The following CADPS variants were observed in gnomAD, a reference collection of about 807,000 sequenced individuals.
The protein encoded by CADPS is calcium dependent secretion activator.
A neutral mutation model predicts 167.3 loss-of-function variants in CADPS; 57 were observed. The observed-to-expected ratio is 0.34, with a 90% CI of 0.28 to 0.42. The LOEUF (loss-of-function observed/expected upper bound fraction) is 0.42. CADPS is among the 20% of genes least tolerant of loss of function. The pLI, the probability that CADPS is intolerant of heterozygous loss-of-function variation, is 1.00. For synonymous variants in CADPS, 676 were observed against 635.3 expected (o/e 1.06, Z -0.96); for missense variants, 1,414 against 1,738.1 (o/e 0.81, Z 3.32).
At chr3:62,719,127 A>G (rs1177800023) in intron 3 of CADPS, among the ~76,000 whole-genome samples, 2 of 152,196 alleles carry the variant, frequency 1.3e-5, no homozygotes, top group African/African-American at 4.8e-5. Context: ...AGTAGAGATA[A>G]TGACTCAGAT....
chr3:62,547,589 C>A (rs918200600), intron 11 of CADPS, among the ~76,000 whole-genome samples: 7 of 86,188 alleles, frequency 8.1e-5, no homozygotes, highest in African/African-American at 1.1e-4. Flanking sequence ...CATTTACGCC[C>A]CCCCCCCCCC....
intron 3 of CADPS, among the ~76,000 whole-genome samples, chr3:62,665,507 T>C (rs1176568008): frequency 2.6e-5 from 4 of 152,204 alleles, no homozygotes; most frequent in South Asian, 2.1e-4. Context: ...CTGGAACTCT[T>C]TTGCTCTGCA....
At chr3:62,437,099 T>C (rs2055248966) in intron 28 of CADPS, among the ~76,000 whole-genome samples, 1 of 151,542 alleles carries the variant, frequency 6.6e-6, no homozygotes, top group Non-Finnish European at 1.5e-5. Flanking sequence ...ACCAAAACAT[T>C]AATGTTCGCA....
chr3:62,632,702 G>A (rs571472551), intron 6 of CADPS, among the ~76,000 whole-genome samples: 96 of 152,094 alleles, frequency 6.3e-4, no homozygotes, highest in Middle Eastern at 3.4e-3. Context: ...CAGCAAGCAC[G>A]ACCACAAGCA....
At chr3:62,451,409 GA>G (rs1365665501) in intron 26 of CADPS, among the ~76,000 whole-genome samples, 11 of 151,680 alleles carry the variant, frequency 7.3e-5, no homozygotes, top group Admixed American at 7.2e-4. Context: ...TTCATTAGGG[GA>G]AAAAGCAACC....
At chr3:62,523,540 C>T (rs1045358038) in intron 13 of CADPS, among the ~76,000 whole-genome samples, 4 of 152,076 alleles carry the variant, frequency 2.6e-5, no homozygotes, top group Admixed American at 2.6e-4. Flanking sequence ...AAAGCTGGGC[C>T]ACAAAAACCT....
At chr3:62,871,035 G>A (rs943801761) in intron 1 of CADPS, among the ~76,000 whole-genome samples, 7 of 151,878 alleles carry the variant, frequency 4.6e-5, no homozygotes, top group South Asian at 2.1e-4. Flanking sequence ...AAATTATTTC[G>A]CCATGTTATA....
intron 1 of CADPS, among the ~76,000 whole-genome samples, chr3:62,873,674 A>G (rs1236377325): frequency 1.4e-5 from 2 of 140,640 alleles, no homozygotes; most frequent in African/African-American, 5.5e-5. Context: ...GCCTTGCCCC[A>G]GCCTCAGACA....
intron 27 of CADPS, chr3:62,441,041 A>G (rs2056223222): frequency 6.6e-6 from 1 of 152,260 alleles, no homozygotes; most frequent in African/African-American, 2.4e-5. Flanking sequence ...TAGATTTCCA[A>G]TCAAAACAAT....
intron 17 of CADPS, among the ~76,000 whole-genome samples, chr3:62,504,159 C>CA (rs1188839836): frequency 6.6e-6 from 1 of 151,800 alleles, no homozygotes; most frequent in Non-Finnish European, 1.5e-5. Context: ...GAATACAGGA[C>CA]AAAAAAATTA....
chr3:62,451,654 T>G (rs2058067823), intron 26 of CADPS, among the ~76,000 whole-genome samples: 1 of 152,114 alleles, frequency 6.6e-6, no homozygotes, highest in African/African-American at 2.4e-5. Flanking sequence ...ATTCTCTCCA[T>G]GAGCTGACTC....
At chr3:62,597,595 A>AC (rs1173204680) in intron 6 of CADPS, among the ~76,000 whole-genome samples, 1 of 152,062 alleles carries the variant, frequency 6.6e-6, no homozygotes, top group Non-Finnish European at 1.5e-5. Context: ...GGATGCCTGA[A>AC]CCCCTGCTGC....
chr3:62,679,291 G>A (rs919598658), intron 3 of CADPS, among the ~76,000 whole-genome samples: 1 of 152,024 alleles, frequency 6.6e-6, no homozygotes, highest in Non-Finnish European at 1.5e-5. Context: ...TTTCTTACAG[G>A]TTAAACGCAC....
chr3:62,774,005 T>C (rs1353057682), intron 1 of CADPS, among the ~76,000 whole-genome samples: 1 of 152,128 alleles, frequency 6.6e-6, no homozygotes, highest in East Asian at 1.9e-4. Context: ...TTCTATGACC[T>C]ACAGGGAAAT....
At chr3:62,783,238 G>A (rs2091976268) in intron 1 of CADPS, among the ~76,000 whole-genome samples, 1 of 151,998 alleles carries the variant, frequency 6.6e-6, no homozygotes, top group Admixed American at 6.6e-5. Context: ...CCTAGTAAAC[G>A]GCAAACTCTA....
At chr3:62,445,411 T>TA (rs2057037103) in intron 27 of CADPS, among the ~76,000 whole-genome samples, 1 of 152,210 alleles carries the variant, frequency 6.6e-6, no homozygotes, top group Non-Finnish European at 1.5e-5. Flanking sequence ...TGCAAGTTTC[T>TA]AGCTTCATGG....
In CADPS at chr3:62,516,103, G is replaced by A. The variant is rs774721337; in HGVS notation, c.2537C>T (p.Ala846Val). 5.0e-6 allele frequency: 8 copies of A among 1,613,292 alleles called. No individual in the cohort carries two copies. The highest frequency in any genetic ancestry group is 5.9e-6 in the Non-Finnish European group (7 of 1,179,424). ...TGAGAGCCGAGAATAGTTGACTAAC[G>A]CAGCCTGTTCCAGACATTTACGGAT... ...TVIRKCLEQA[A>V]LVNYSRLSEY... Residue 846 changes from alanine to valine, a missense_variant, in exon 16 of 30, where the codon GCG becomes GTG. This residue lies in a region of CADPS where 529 missense variants were observed against 629.6 expected (regional missense o/e 0.84). Transcript: ENST00000383710.
chr3:62,662,541 G>A, intron 3 of CADPS, 147 bp from the exon 4 acceptor site: 1 of 663,894 alleles, frequency 1.5e-6, no homozygotes, highest in Non-Finnish European at 2.6e-6. Flanking sequence ...AATCCAGTCT[G>A]AGTGAAATTC....
chr3:62,574,139 C>A, intron 8 of CADPS, among the ~76,000 whole-genome samples: 1 of 152,176 alleles, frequency 6.6e-6, no homozygotes, highest in East Asian at 1.9e-4. Context: ...CCACCTGGAC[C>A]ATGACAGGAG....
Sources: gnomAD v4.1 joint callset for allele counts (sites outside exome capture counted in the v4.1 genomes callset) on GRCh38, gnomAD v4.1.1 for gene constraint, gnomAD v4.1.1 regional missense constraint, MANE v1.5 for transcripts, NCBI Gene and HGNC (gene_info 2026-07-23, HGNC 2026-07-21) for gene names.